The following GRID1 variants were observed in gnomAD, a reference collection of about 807,000 sequenced individuals.
The protein encoded by GRID1 is glutamate receptor ionotropic, delta-1.
In GRID1, 28 loss-of-function variants were observed where a neutral mutation model predicts 98.0. That is an observed-to-expected ratio of 0.29 (90% CI 0.21 to 0.39). The LOEUF (loss-of-function observed/expected upper bound fraction) is 0.39. GRID1 is among the 10% of genes least tolerant of loss of function. The probability of loss-of-function intolerance (pLI) is 1.00; values close to 1 mark genes in which losing one functional copy is unlikely to be tolerated. For missense variants in GRID1, 1,111 were observed against 1,340.5 expected (o/e 0.83, Z 2.67); for synonymous variants, 553 against 538.5 (o/e 1.03, Z -0.37).
intron 13 of GRID1, 170 bp downstream of exon 13, chr10:85,647,032 G>A: frequency 1.5e-6 from 1 of 661,844 alleles, no homozygotes; most frequent in Middle Eastern, 4.3e-4. Context: ...ATAAGAAGCA[G>A]AGCAGCTGCT....
intron 4 of GRID1, among the ~76,000 whole-genome samples, chr10:86,086,749 T>C (rs1844064428): frequency 6.6e-6 from 1 of 152,148 alleles, no homozygotes; most frequent in African/African-American, 2.4e-5. Context: ...TGTGCACAGA[T>C]ATATGTGTGT....
chr10:86,019,569 A>G (rs1429190591), intron 4 of GRID1, among the ~76,000 whole-genome samples: 1 of 152,374 alleles, frequency 6.6e-6, no homozygotes, highest in East Asian at 1.9e-4. Flanking sequence ...AGCAATTCAC[A>G]TGCATGCTAG....
chr10:86,333,212 A>G (rs1848173797), intron 2 of GRID1, among the ~76,000 whole-genome samples: 1 of 152,050 alleles, frequency 6.6e-6, no homozygotes, highest in African/African-American at 2.4e-5. Flanking sequence ...TCCCACCACC[A>G]TCTCTTATCT....
At chr10:85,697,047 T>C (rs1361200897) in intron 12 of GRID1, among the ~76,000 whole-genome samples, 1 of 152,100 alleles carries the variant, frequency 6.6e-6, no homozygotes, top group Non-Finnish European at 1.5e-5. Context: ...GCTCAAAAAC[T>C]GGTTATTCTT....
intron 3 of GRID1, among the ~76,000 whole-genome samples, chr10:86,163,886 C>G (rs1348563620): frequency 6.6e-6 from 1 of 152,172 alleles, no homozygotes; most frequent in Non-Finnish European, 1.5e-5. Context: ...TGGCCCAGCA[C>G]CCCCCGCTGG....
At position 85,729,579 on chromosome 10, in the gene GRID1, G is replaced by C. The variant is rs145463285; in HGVS notation, c.1269C>G (p.Gly423=). 3.1e-6 allele frequency: 5 copies of C among 1,612,696 alleles called. No individual in the cohort carries two copies. The highest frequency in any genetic ancestry group is 4.2e-6 in the Non-Finnish European group (5 of 1,178,994). Residue 423 remains glycine (G), a synonymous_variant, in exon 9 of 16, where the codon GGC becomes GGG. Transcript: ENST00000327946. ...ATWDSEKGLN[G]SLQERPMGSR... is the part of the protein sequence containing the mutation. ...TGCCCATGGGCCTCTCTTGCAAGCTGCCATTCAAGCCCTTCTCTGAGTCCC... is the reference window on the plus strand; with the variant it reads ...TGCCCATGGGCCTCTCTTGCAAGCTCCCATTCAAGCCCTTCTCTGAGTCCC...
At chr10:85,624,388 C>A (rs549439421) in intron 13 of GRID1, among the ~76,000 whole-genome samples, 1 of 152,260 alleles carries the variant, frequency 6.6e-6, no homozygotes, top group East Asian at 1.9e-4. Flanking sequence ...GAAACTTAGG[C>A]TGGAGACAAG....
chr10:86,074,054 G>A (rs573812739), intron 4 of GRID1, among the ~76,000 whole-genome samples: 1 of 136,934 alleles, frequency 7.3e-6, no homozygotes, highest in South Asian at 2.2e-4. Flanking sequence ...TAGTCCATCT[G>A]TTCAAAACAA....
chr10:86,046,357 A>G (rs1397386312), intron 4 of GRID1, among the ~76,000 whole-genome samples: 1 of 152,166 alleles, frequency 6.6e-6, no homozygotes, highest in Admixed American at 6.5e-5. Context: ...GAGCTGCAAC[A>G]CTGCTGCTTC....
At position 85,869,070 on chromosome 10, in the gene GRID1, G is replaced by T; in HGVS notation, c.891C>A (p.Asn297Lys). Reference sequence around the variant, plus strand: ...AGAGCAGGGAGGAGATGCGGTGGTTGTTCCTCGTGCATTTCTGATTGTCCT... The same window carrying T: ...AGAGCAGGGAGGAGATGCGGTGGTTTTTCCTCGTGCATTTCTGATTGTCCT... ...SAKDNQKCTR[N>K]NHRISSLLCD... Residue 297 changes from asparagine to lysine, a missense_variant, in exon 6 of 16, where the codon AAC becomes AAA. Asn to Lys is a moderately conservative substitution (Grantham distance 94). Around this residue, in one of 3 missense-constraint regions of GRID1, gnomAD observed 346 missense variants for 452.3 expected, o/e 0.76. Transcript: ENST00000327946. The T allele has an allele frequency of 1.2e-6, 2 of 1,614,030 alleles. No homozygotes were observed. Among genetic ancestry groups the T allele is most frequent in the Admixed American group, 1.7e-5 (1 of 60,028 alleles).
intron 8 of GRID1, among the ~76,000 whole-genome samples, chr10:85,788,313 T>C (rs1417352548): frequency 6.6e-6 from 1 of 152,138 alleles, no homozygotes; most frequent in Non-Finnish European, 1.5e-5. Flanking sequence ...CTCACGGTTG[T>C]CCGCAGTCCA....
chr10:86,322,560 G>A (rs578034767), intron 2 of GRID1, among the ~76,000 whole-genome samples: 15 of 151,768 alleles, frequency 9.9e-5, no homozygotes, highest in African/African-American at 2.9e-4. Flanking sequence ...AGAGGCACAC[G>A]TCACCATGCC....
At chr10:85,639,310 T>G (rs936200640) in intron 13 of GRID1, among the ~76,000 whole-genome samples, 2 of 152,194 alleles carry the variant, frequency 1.3e-5, no homozygotes, top group Admixed American at 6.5e-5. Context: ...GGTGAAAGAA[T>G]GAAACACAAA....
At position 85,620,015 on chromosome 10, in the gene GRID1, C is replaced by T. The variant is rs911358725; in HGVS notation, c.2212G>A (p.Ala738Thr). ...ACCACGGCCACATCCCACAGGAAGGCGTAGTTCCCCTTCTTTGCCTGAAAG... is the reference window on the plus strand; with the variant it reads ...ACCACGGCCACATCCCACAGGAAGGTGTAGTTCCCCTTCTTTGCCTGAAAG... Reference protein sequence around the residue: ...GIRKAKKGNYAFLWDVAVVEY... With the variant: ...GIRKAKKGNYTFLWDVAVVEY... The change falls in exon 14 of 16, where the codon GCC (alanine) becomes ACC (threonine). Residue 738 changes from alanine (A) to threonine (T), a missense_variant. Coordinates refer to ENST00000327946, the MANE Select transcript of GRID1 (RefSeq NM_017551.3). 1.9e-6 allele frequency: 3 copies of T among 1,613,984 alleles called. No individual in the cohort carries two copies. Among genetic ancestry groups the T allele is most frequent in the East Asian group, 2.2e-5 (1 of 44,870 alleles).
chr10:85,629,124 T>A (rs1385173018), intron 13 of GRID1, among the ~76,000 whole-genome samples: 1 of 151,968 alleles, frequency 6.6e-6, no homozygotes, highest in Admixed American at 6.6e-5. Flanking sequence ...TGTCCTAGAG[T>A]AACATAGTCA....
At chr10:85,922,341 G>C (rs1025985798) in intron 4 of GRID1, among the ~76,000 whole-genome samples, 4 of 152,164 alleles carry the variant, frequency 2.6e-5, no homozygotes, top group Non-Finnish European at 4.4e-5. Context: ...TAAAGGAATA[G>C]TAAATGGAGT....
intron 3 of GRID1, among the ~76,000 whole-genome samples, chr10:86,149,656 A>C (rs903001180): frequency 6.6e-6 from 1 of 152,246 alleles, no homozygotes; most frequent in Non-Finnish European, 1.5e-5. Flanking sequence ...AAAACACACC[A>C]CGCTGCATTA....
At position 85,736,617 on chromosome 10, in the gene GRID1, T is replaced by C. The variant is rs1344598043; in HGVS notation, c.1234-7003A>G. 2.0e-5 allele frequency among the ~76,000 whole-genome samples: 3 copies of C among 152,178 alleles called. No homozygotes were observed. In the East Asian group the frequency reaches 5.8e-4, roughly 29 times the overall value. ...CATAGTGGGTCTGTCATTATGTCAG[T>C]GCATGGGCTTTTCTAAAACAATAAG... On this transcript the variant is annotated intron_variant, in intron 8 of 15. Coordinates refer to ENST00000327946, the MANE Select transcript of GRID1 (RefSeq NM_017551.3).
intron 3 of GRID1, among the ~76,000 whole-genome samples, chr10:86,204,063 G>A (rs970503206): frequency 1.3e-5 from 2 of 152,182 alleles, no homozygotes; most frequent in African/African-American, 4.8e-5. Flanking sequence ...TGTCAGAAAA[G>A]AGGAACACAG....
Sources: gnomAD v4.1 joint callset for allele counts (sites outside exome capture counted in the v4.1 genomes callset) on GRCh38, gnomAD v4.1.1 for gene constraint, gnomAD v4.1.1 regional missense constraint, MANE v1.5 for transcripts, NCBI Gene and HGNC (gene_info 2026-07-23, HGNC 2026-07-21) for gene names.